The following SFXN5 variants were observed in gnomAD, a reference collection of about 807,000 sequenced individuals.
SFXN5 encodes sideroflexin 5, also known as sideroflexin-5.
A neutral mutation model predicts 50.2 loss-of-function variants in SFXN5; 43 were observed. The observed-to-expected ratio is 0.86, with a 90% CI of 0.67 to 1.11. The LOEUF (loss-of-function observed/expected upper bound fraction) is 1.11. SFXN5 is among the 50% of genes least tolerant of loss of function. The pLI is 0.00. For missense variants in SFXN5, 463 were observed against 454.1 expected, an observed-to-expected ratio of 1.02 and a Z score of -0.18; for synonymous variants, 203 against 185.8, an observed-to-expected ratio of 1.09 and a Z score of -0.75.
intron 13 of SFXN5, among the ~76,000 whole-genome samples, chr2:72,956,686 AGGCCCCC>A (rs1158915395): frequency 6.6e-6 from 1 of 152,158 alleles, no homozygotes; most frequent in African/African-American, 2.4e-5. Context: ...CTCAGGATCC[AGGCCCCC>A]ATTTCTCCAC....
chr2:73,028,588 G>C (rs1677897590), intron 3 of SFXN5, among the ~76,000 whole-genome samples: 1 of 152,186 alleles, frequency 6.6e-6, no homozygotes, highest in South Asian at 2.1e-4. Context: ...TGAGGGGAGA[G>C]AGAAAACTCA....
chr2:73,060,557 G>A (rs544176057), intron 1 of SFXN5, among the ~76,000 whole-genome samples: 4 of 152,218 alleles, frequency 2.6e-5, no homozygotes, highest in South Asian at 2.1e-4. Context: ...GGATCCTGGC[G>A]TAGAGGGGGG....
intron 1 of SFXN5, among the ~76,000 whole-genome samples, chr2:73,063,567 G>C (rs1682967404): frequency 6.6e-6 from 1 of 152,162 alleles, no homozygotes. Context: ...GAAACGTTGT[G>C]ACCAGAAACC....
intron 6 of SFXN5, among the ~76,000 whole-genome samples, chr2:73,008,839 A>G (rs1198411126): frequency 6.6e-6 from 1 of 152,150 alleles, no homozygotes; most frequent in East Asian, 1.9e-4. Flanking sequence ...AAAATAAGAC[A>G]CTACATGGTT....
intron 3 of SFXN5, among the ~76,000 whole-genome samples, chr2:73,037,250 C>T (rs1432574428): frequency 6.6e-6 from 1 of 152,184 alleles, no homozygotes; most frequent in Non-Finnish European, 1.5e-5. Context: ...GGGAGGGTCA[C>T]CCCTTCCACG....
At chr2:73,066,081 G>A (rs778788409) in intron 1 of SFXN5, among the ~76,000 whole-genome samples, 1 of 152,188 alleles carries the variant, frequency 6.6e-6, no homozygotes. Context: ...TCACTAGGCA[G>A]CTGGAGTAGT....
chr2:72,957,873 T>C (rs986013519), intron 13 of SFXN5, among the ~76,000 whole-genome samples: 2 of 152,244 alleles, frequency 1.3e-5, no homozygotes, highest in African/African-American at 4.8e-5. Context: ...AAATCATGCC[T>C]GTACCCTCCC....
rs369401514 is a variant in SFXN5 at position 73,061,395 on chromosome 2, CAT to C, written c.103-2801_103-2800del. On this transcript the variant is annotated intron_variant, in intron 1 of 13. Transcript: ENST00000272433. The stretch of plus-strand genomic sequence containing the variant: ...TTTGTAAATAGTTGAAGAAAAATAA[CAT>C]GTGTAAAAATACAGGGCAGCCATAA... Among the ~76,000 whole-genome samples, 169 of 149,236 alleles carry C rather than the reference CAT, an allele frequency of 1.1e-3. 2 individuals are homozygous for C. In the Middle Eastern group the frequency reaches 0.025, roughly 22 times the overall value.
chr2:73,030,924 G>A (rs1331892807), intron 3 of SFXN5, among the ~76,000 whole-genome samples: 2 of 152,144 alleles, frequency 1.3e-5, no homozygotes, highest in East Asian at 1.9e-4. Context: ...AGAGAAAAAG[G>A]GAGAGTTTTT....
At chr2:73,069,772 G>T (rs185660764) in intron 1 of SFXN5, among the ~76,000 whole-genome samples, 54 of 151,784 alleles carry the variant, frequency 3.6e-4, no homozygotes, top group African/African-American at 1.3e-3. Flanking sequence ...TTAGGTCACT[G>T]AATGTCCCTA....
At chr2:73,009,396 T>C (rs1311584915) in intron 6 of SFXN5, among the ~76,000 whole-genome samples, 1 of 152,162 alleles carries the variant, frequency 6.6e-6, no homozygotes, top group Non-Finnish European at 1.5e-5. Flanking sequence ...TGACGGACCA[T>C]GTTGCTTGTC....
Position 73,043,119 on chromosome 2 carries a change from G to C in SFXN5, c.172-2188C>G, listed in dbSNP as rs151208049. On this transcript the variant is annotated intron_variant, in intron 2 of 13. Coordinates refer to ENST00000272433, the MANE Select transcript of SFXN5 (RefSeq NM_144579.3). The stretch of plus-strand genomic sequence containing the variant: ...AAACAGCAGCAAAAAACAATAAACA[G>C]ACAACAGTGATAGAAGGAAGCTCGT... 4.4e-3 allele frequency among the ~76,000 whole-genome samples: 667 copies of C among 152,298 alleles called. 8 individuals carry two copies. The highest frequency in any genetic ancestry group is 0.014 in the African/African-American group (600 of 41,576).
At chr2:73,029,614 C>G (rs756333815) in intron 3 of SFXN5, among the ~76,000 whole-genome samples, 1 of 152,204 alleles carries the variant, frequency 6.6e-6, no homozygotes, top group Non-Finnish European at 1.5e-5. Flanking sequence ...GGCCTCCTCA[C>G]CTAGGTCTCC....
intron 1 of SFXN5, among the ~76,000 whole-genome samples, chr2:73,060,145 G>C (rs375382713): frequency 3.3e-4 from 50 of 152,312 alleles, no homozygotes; most frequent in African/African-American, 1.2e-3. Context: ...CACTAACAGA[G>C]ACCAGGGTTC....
intron 6 of SFXN5, among the ~76,000 whole-genome samples, chr2:73,006,972 C>G (rs1674761808): frequency 6.6e-6 from 1 of 152,218 alleles, no homozygotes; most frequent in South Asian, 2.1e-4. Context: ...CATATGGTAA[C>G]TTGCTACAAG....
chr2:73,053,181 A>G (rs1681620288), intron 2 of SFXN5: 1 of 154,208 alleles, frequency 6.5e-6, no homozygotes, highest in African/African-American at 2.4e-5. Context: ...CTCGAAAAAA[A>G]AAAAAAGGAA....
chr2:73,025,210 C>T lies in SFXN5; in HGVS notation c.250-1996G>A, dbSNP rs115923613. 2.9e-3 allele frequency among the ~76,000 whole-genome samples: 436 copies of T among 152,216 alleles called. 1 individual carries two copies. The highest frequency in any genetic ancestry group is 1.0e-2 in the African/African-American group (415 of 41,526). ...CCCCTCTTTGCTCAGTAAGCACCTT[C>T]CTGAAGTGCACCCTCAAGTCTGGGC... On this transcript the variant is annotated intron_variant, in intron 3 of 13. Transcript: ENST00000272433.
At chr2:72,971,249 G>A (rs1240006751) in intron 11 of SFXN5, among the ~76,000 whole-genome samples, 4 of 152,084 alleles carry the variant, frequency 2.6e-5, no homozygotes, top group Non-Finnish European at 4.4e-5. Context: ...AGAGGCAAGG[G>A]GAAGAGAGCT....
chr2:73,037,245 G>A (rs1372969372), intron 3 of SFXN5, among the ~76,000 whole-genome samples: 1 of 152,074 alleles, frequency 6.6e-6, no homozygotes, highest in Non-Finnish European at 1.5e-5. Flanking sequence ...AGTCTGGGAG[G>A]GTCACCCCTT....
Sources: gnomAD v4.1 joint callset for allele counts (sites outside exome capture counted in the v4.1 genomes callset) on GRCh38, gnomAD v4.1.1 for gene constraint, MANE v1.5 for transcripts, NCBI Gene and HGNC (gene_info 2026-07-23, HGNC 2026-07-21) for gene names.